The following TBX4 variants were observed in gnomAD, a reference collection of about 807,000 sequenced individuals.
TBX4 encodes T-box transcription factor TBX4.
In TBX4, 13 loss-of-function variants were observed where a neutral mutation model predicts 54.6. That is an observed-to-expected ratio of 0.24 (90% CI 0.15 to 0.38). TBX4 has a LOEUF of 0.38. TBX4 is among the 10% of genes least tolerant of loss of function. The pLI is 1.00. For synonymous variants in TBX4, 314 were observed against 306.7 expected (o/e 1.02, Z -0.25); for missense variants, 631 against 728.5 (o/e 0.87, Z 1.54).
rs930070150 is a variant in TBX4, at chr17:61,480,377, C to A, written c.1021+58C>A. On this transcript the variant is annotated intron_variant, in intron 8 of 8. Coordinates refer to ENST00000644296, the MANE Select transcript of TBX4 (RefSeq NM_001321120.2). The surrounding 1 kb of genome is among the most constrained non-coding windows in gnomAD (Gnocchi z 6.2). ...GTAAGAGGAGCGGTGAGGTTCTCCC[C>A]GAAACCACTCTGCAGCGCCCCCCCC... 3 of 1,419,738 alleles carry A rather than the reference C, an allele frequency of 2.1e-6. No individual in the cohort carries two copies. Among genetic ancestry groups the A allele is most frequent in the East Asian group, 2.5e-5 (1 of 40,716 alleles). 87.9% of individuals were successfully genotyped at this position (1,419,738 alleles called of 1,614,324 possible).
intron 3 of TBX4, among the ~76,000 whole-genome samples, chr17:61,458,839 G>C (rs1439838957): frequency 6.6e-6 from 1 of 152,266 alleles, no homozygotes; most frequent in Admixed American, 6.5e-5. Flanking sequence ...AGAGAACTCA[G>C]CTCTGCTGAA....
At chr17:61,455,418 A>G (rs1267165718) in intron 1 of TBX4, among the ~76,000 whole-genome samples, 1 of 152,162 alleles carries the variant, frequency 6.6e-6, no homozygotes, top group East Asian at 1.9e-4. Context: ...AAGAGCAGGG[A>G]GGTGGAAAGG....
rs1161605946 is a variant in TBX4, at chr17:61,454,437, G to C, written c.-4+1860G>C. On this transcript the variant is annotated intron_variant, in intron 1 of 8. Coordinates refer to ENST00000644296, the MANE Select transcript of TBX4 (RefSeq NM_001321120.2). ...AAGGACGAGAGCGGACCGCTATGCGGTGCTGAGTGCGGGACCCCGCGGTGC... is the reference window on the plus strand; with the variant it reads ...AAGGACGAGAGCGGACCGCTATGCGCTGCTGAGTGCGGGACCCCGCGGTGC... Among the ~76,000 whole-genome samples, 3 of 152,262 alleles carry C rather than the reference G, an allele frequency of 2.0e-5. No homozygotes were observed. In the East Asian group the frequency reaches 5.8e-4, roughly 29 times the overall value.
intron 3 of TBX4, among the ~76,000 whole-genome samples, chr17:61,463,937 G>A (rs371289840): frequency 6.6e-6 from 1 of 152,190 alleles, no homozygotes; most frequent in South Asian, 2.1e-4. Flanking sequence ...GGCAGGGCCG[G>A]GAAAGGGTGG....
chr17:61,465,876 T>C lies in TBX4; in HGVS notation c.339T>C (p.Tyr113=), dbSNP rs1603251001. Residue 113 remains tyrosine (Y), a synonymous_variant, in exon 4 of 9, where the codon TAT becomes TAC. Transcript: ENST00000644296. The surrounding 1 kb of genome is among the most constrained non-coding windows in gnomAD (Gnocchi z 4.9). Reference sequence around the variant, plus strand: ...CAGGCATGAACCCCAAGACCAAGTATATCCTGCTGATTGACATTGTCCCTG... The same window carrying C: ...CAGGCATGAACCCCAAGACCAAGTACATCCTGCTGATTGACATTGTCCCTG... The part of the protein sequence containing the change: ...KVTGMNPKTK[Y]ILLIDIVPAD... 6.2e-7 allele frequency: 1 copy of C among 1,614,148 alleles called. No individual in the cohort carries two copies. The highest frequency in any genetic ancestry group is 8.5e-7 in the Non-Finnish European group (1 of 1,180,022).
At chr17:61,473,631 G>T (rs1425850859) in intron 5 of TBX4, among the ~76,000 whole-genome samples, 1 of 152,210 alleles carries the variant, frequency 6.6e-6, no homozygotes, top group African/African-American at 2.4e-5. Flanking sequence ...CCAGGTTAAG[G>T]TATGAACTCA....
chr17:61,478,295 C>T lies in TBX4; in HGVS notation c.550-332C>T. 2 of 386,264 alleles carry T rather than the reference C, an allele frequency of 5.2e-6. No individual in the cohort carries two copies. Among genetic ancestry groups the T allele is most frequent in the Non-Finnish European group, 9.8e-6 (2 of 203,068 alleles). 23.9% of individuals were successfully genotyped at this position (386,264 alleles called of 1,614,324 possible). A position where few individuals can be genotyped will look rare whatever the true frequency, so the allele number is the denominator to read the frequency against. ...TGCTGACAGCTCACAATTCCACCTG[C>T]TACACTGTGCTGAGTTCACAGTGGG... On this transcript the variant is annotated intron_variant, in intron 5 of 8. Transcript: ENST00000644296. The surrounding 1 kb of genome is among the most constrained non-coding windows in gnomAD (Gnocchi z 7.4).
chr17:61,480,389 G>C lies in TBX4; in HGVS notation c.1021+70G>C, dbSNP rs555016443. ...GTGAGGTTCTCCCCGAAACCACTCT[G>C]CAGCGCCCCCCCCCCCAACACACAC... On this transcript the variant is annotated intron_variant, in intron 8 of 8. Coordinates refer to ENST00000644296, the MANE Select transcript of TBX4 (RefSeq NM_001321120.2). The surrounding 1 kb of genome is among the most constrained non-coding windows in gnomAD (Gnocchi z 6.2). 8.2e-7 allele frequency: 1 copy of C among 1,226,950 alleles called. No individual in the cohort carries two copies. Among genetic ancestry groups the C allele is most frequent in the African/African-American group, 1.6e-5 (1 of 61,750 alleles). 76.0% of individuals were successfully genotyped at this position (1,226,950 alleles called of 1,614,324 possible). A position where few individuals can be genotyped will look rare whatever the true frequency, so the allele number is the denominator to read the frequency against.
In TBX4 at chr17:61,473,202, C is replaced by T. The variant is rs186626812; in HGVS notation, c.550-5425C>T. 3.9e-5 allele frequency among the ~76,000 whole-genome samples: 6 copies of T among 152,284 alleles called. No homozygotes were observed. The East Asian group carries it at 1.2e-3, about 29-fold the overall frequency. On this transcript the variant is annotated intron_variant, in intron 5 of 8. Transcript: ENST00000644296. The stretch of plus-strand genomic sequence containing the variant: ...CAGGTTTCCTTGAAATGGCCCTGCA[C>T]GTTTCTTGTTAGGTGTGTCACCTGA...
rs3744438 is a variant in TBX4, at chr17:61,480,239, C to T, written c.941C>T (p.Ala314Val). Residue 314 changes from alanine (A) to valine (V), a missense_variant, in exon 8 of 9, where the codon GCG (alanine) becomes GTG (valine). Ala to Val is a moderately conservative substitution (Grantham distance 64). This residue lies in a region of TBX4 where 354 missense variants were observed against 368.9 expected (regional missense o/e 0.96). Transcript: ENST00000644296. The surrounding 1 kb of genome is among the most constrained non-coding windows in gnomAD (Gnocchi z 6.2). ...GAGAACGGGGCACACTCACAGCTCG[C>T]GGAGCCGCAGGACCTGCCCCTCAGC... ...QHENGAHSQL[A>V]EPQDLPLSTF... The T allele has an allele frequency of 0.13, 211,469 of 1,613,842 alleles. 17,444 individuals are homozygous for T. Among genetic ancestry groups the T allele is most frequent in the African/African-American group, 0.41 (30,411 of 74,866 alleles).
Position 61,465,600 on chromosome 17 carries a change from G to C in TBX4, c.282-219G>C, listed in dbSNP as rs1350503254. On this transcript the variant is annotated intron_variant, in intron 3 of 8. Transcript: ENST00000644296. The surrounding 1 kb of genome is among the most constrained non-coding windows in gnomAD (Gnocchi z 4.9). ...CTCTCCTCCTAGACACAGACTGATA[G>C]CTGCAGGGGCTCAGAGACAGCAGCC... Among the ~76,000 whole-genome samples, 1 of 152,222 alleles carries C rather than the reference G, an allele frequency of 6.6e-6. No individual in the cohort carries two copies. The highest frequency in any genetic ancestry group is 1.5e-5 in the Non-Finnish European group (1 of 68,036).
rs1421736136 is a variant in TBX4, at chr17:61,481,737, T to G, written c.1022-1160T>G. The G allele has an allele frequency of 6.6e-6, 1 of 152,298 alleles. No individual in the cohort carries two copies. Among genetic ancestry groups the G allele is most frequent in the Non-Finnish European group, 1.5e-5 (1 of 68,166 alleles). 9.4% of individuals were successfully genotyped at this position (152,298 alleles called of 1,614,324 possible). A position where few individuals can be genotyped will look rare whatever the true frequency, so the allele number is the denominator to read the frequency against. On this transcript the variant is annotated intron_variant, in intron 8 of 8. Transcript: ENST00000644296. The surrounding 1 kb of genome is among the most constrained non-coding windows in gnomAD (Gnocchi z 4.8). ...GAAAACAGGAGGAGGGAGGCCAAGA[T>G]GAGCCATGGATGTGTGGGGTTTTTG...
chr17:61,465,797 C>A lies in TBX4; in HGVS notation c.282-22C>A. The A allele has an allele frequency of 6.2e-7, 1 of 1,613,708 alleles. No individual in the cohort carries two copies. Among genetic ancestry groups the A allele is most frequent in the Non-Finnish European group, 8.5e-7 (1 of 1,179,766 alleles). ...CCTGGTGCTCTGTCCACACGCTCCG[C>A]CTCACCCCTCGGCTCCCCCAGGAGG... On this transcript the variant is annotated intron_variant, in intron 3 of 8. Coordinates refer to ENST00000644296, the MANE Select transcript of TBX4 (RefSeq NM_001321120.2). This position sits in a 1 kb window ranked among gnomAD's most constrained non-coding sequence, Gnocchi z 4.9.
chr17:61,468,443 G>A (rs2060551428), intron 5 of TBX4, among the ~76,000 whole-genome samples: 1 of 152,206 alleles, frequency 6.6e-6, no homozygotes, highest in Non-Finnish European at 1.5e-5. Context: ...ACTGCCCGTG[G>A]TTTCTGGGGA....
rs2060532337 is a variant in TBX4, at chr17:61,465,816, C to T, written c.282-3C>T. ...GCTCCGCCTCACCCCTCGGCTCCCC[C>T]AGGAGGATGTTCCCCAGCTACAAGG... On this transcript the variant is annotated splice_region_variant and splice_polypyrimidine_tract_variant and intron_variant, in intron 3 of 8. Transcript: ENST00000644296. The surrounding 1 kb of genome is among the most constrained non-coding windows in gnomAD (Gnocchi z 4.9). 1 of 1,613,894 alleles carries T rather than the reference C, an allele frequency of 6.2e-7. No individual in the cohort carries two copies. Among genetic ancestry groups the T allele is most frequent in the Admixed American group, 1.7e-5 (1 of 60,004 alleles).
Position 61,465,670 on chromosome 17 carries a change from G to C in TBX4, c.282-149G>C, listed in dbSNP as rs2143820406. 1 of 1,019,870 alleles carries C rather than the reference G, an allele frequency of 9.8e-7. No homozygotes were observed. The highest frequency in any genetic ancestry group is 1.3e-5 in the South Asian group (1 of 74,240). 63.2% of individuals were successfully genotyped at this position (1,019,870 alleles called of 1,614,324 possible). A position where few individuals can be genotyped will look rare whatever the true frequency, so the allele number is the denominator to read the frequency against. On this transcript the variant is annotated intron_variant, in intron 3 of 8. Coordinates refer to ENST00000644296, the MANE Select transcript of TBX4 (RefSeq NM_001321120.2). This position sits in a 1 kb window ranked among gnomAD's most constrained non-coding sequence, Gnocchi z 4.9. ...GCAGCTCGGGCAGAGGGGGAAGTGA[G>C]TTGTGCAGGTCACACAGCTGTGACC...
In TBX4 at chr17:61,482,937, C is replaced by T; in HGVS notation, c.1062C>T (p.Ser354=). 1 of 1,613,912 alleles carries T rather than the reference C, an allele frequency of 6.2e-7. No homozygotes were observed. The highest frequency in any genetic ancestry group is 1.1e-5 in the South Asian group (1 of 91,020). The part of the protein sequence containing the change: ...TRHLDLPCKR[S]YLEAPSSVGE... ...ACCTGGACTTACCTTGCAAGCGATCCTATCTGGAAGCCCCCTCTTCGGTGG... is the reference window on the plus strand; with the variant it reads ...ACCTGGACTTACCTTGCAAGCGATCTTATCTGGAAGCCCCCTCTTCGGTGG... The change falls in exon 9 of 9, where the codon TCC becomes TCT. Residue 354 remains serine, a synonymous_variant. Transcript: ENST00000644296.
At chr17:61,469,302 A>C (rs778155495) in intron 5 of TBX4, among the ~76,000 whole-genome samples, 5 of 152,186 alleles carry the variant, frequency 3.3e-5, no homozygotes, top group Non-Finnish European at 7.3e-5. Flanking sequence ...TAACCTCTTC[A>C]GTAGCTCTCC....
intron 5 of TBX4, among the ~76,000 whole-genome samples, chr17:61,470,939 G>T (rs2060572558): frequency 6.6e-6 from 1 of 152,230 alleles, no homozygotes; most frequent in Admixed American, 6.5e-5. Context: ...CCTCACTGGG[G>T]CATAGGCGGG....
Sources: allele counts gnomAD v4.1 joint callset (sites outside exome capture counted in the v4.1 genomes callset), GRCh38; gene constraint gnomAD v4.1.1; regional missense constraint gnomAD v4.1.1; non-coding constraint Gnocchi (gnomAD v3.1); transcripts MANE v1.5; gene names NCBI Gene and HGNC (gene_info 2026-07-23, HGNC 2026-07-21).